The following PLAU variants were observed in gnomAD, a reference collection of about 807,000 sequenced individuals.
PLAU encodes urokinase-type plasminogen activator.
Under a neutral mutation model 48.9 loss-of-function variants are expected in PLAU, and 32 were observed. That is an observed-to-expected ratio of 0.65 (90% CI 0.49 to 0.88). The LOEUF is 0.88. Ranked by LOEUF, PLAU falls within the 40% of genes least tolerant of loss-of-function variation. The pLI, the probability that PLAU is intolerant of heterozygous loss-of-function variation, is 0.00. For synonymous variants in PLAU, 199 were observed against 205.7 expected (o/e 0.97, Z 0.28); for missense variants, 455 against 545.2 (o/e 0.83, Z 1.65).
At chr10:73,910,609 AACAGACGC>A (rs996765032), upstream of PLAU, 1 of 152,242 alleles carries the variant, frequency 6.6e-6, no homozygotes, top group African/African-American at 2.4e-5. Flanking sequence ...ACTGCCACTG[AACAGACGC>A]ACAGAGGGAG....
At chr10:73,913,811 C>T in intron 7 of PLAU, 53 bp downstream of exon 7, 1 of 1,449,860 alleles carries the variant, frequency 6.9e-7, no homozygotes, top group Non-Finnish European at 9.5e-7. Flanking sequence ...CCAAGCACAT[C>T]CCTTTCTCCT....
intron 1 of PLAU, 89 bp from the exon 2 acceptor site, chr10:73,911,436 C>G (rs2096123672): frequency 7.6e-7 from 1 of 1,318,924 alleles, no homozygotes; most frequent in Admixed American, 2.0e-5. Context: ...AGCCTGGTCA[C>G]CGCGGGCATC....
rs769839032 is a variant in PLAU at position 73,916,577 on chromosome 10, G to A, written c.*12G>A. 4.4e-6 allele frequency: 7 copies of A among 1,598,682 alleles called. No homozygotes were observed. In the Admixed American group the frequency reaches 6.8e-5, roughly 16 times the overall value. On this transcript the variant is annotated 3_prime_UTR_variant, in exon 11 of 11. Transcript: ENST00000372764. ...GCCTGGCCCTCTGAGGGTCCCCAGG[G>A]AGGAAACGGGCACCACCCGCTTTCT...
At chr10:73,911,345 G>A (rs2096123457) in intron 1 of PLAU, 127 bp downstream of exon 1, 1 of 688,292 alleles carries the variant, frequency 1.5e-6, no homozygotes, top group Admixed American at 2.4e-5. Flanking sequence ...GAGTCAAGGC[G>A]CCCCGTCCCG....
intron 6 of PLAU, 78 bp downstream of exon 6, chr10:73,913,459 G>A (rs1263887577): frequency 3.2e-6 from 5 of 1,551,066 alleles, no homozygotes; most frequent in Non-Finnish European, 4.4e-6. Context: ...ATCACAGGAG[G>A]ACTGAGGAGG....
upstream of PLAU, chr10:73,910,587 T>C (rs560661806): frequency 6.6e-6 from 1 of 152,318 alleles, no homozygotes; most frequent in East Asian, 1.9e-4. Context: ...GTTGTGTTGG[T>C]GATATCTGGG....
In PLAU at chr10:73,913,962, G is replaced by A. The variant is rs765702064; in HGVS notation, c.681-18G>A. On this transcript the variant is annotated intron_variant, in intron 7 of 10. Coordinates refer to ENST00000372764, the MANE Select transcript of PLAU (RefSeq NM_002658.6). ...ATTTCATGGGACTAAGCTGTTTGATGGGTATCTTCTCCCACAGTGATTACC... is the reference window on the plus strand; with the variant it reads ...ATTTCATGGGACTAAGCTGTTTGATAGGTATCTTCTCCCACAGTGATTACC... 8 of 1,611,274 alleles carry A rather than the reference G, an allele frequency of 5.0e-6. No homozygotes were observed. Among genetic ancestry groups the A allele is most frequent in the Non-Finnish European group, 6.8e-6 (8 of 1,177,462 alleles).
Position 73,914,807 on chromosome 10 carries a change from G to T in PLAU, c.861G>T (p.Arg287Ser), listed in dbSNP as rs774240822. ...TGAAGATCCGTTCCAAGGAGGGCAG[G>T]TGTGCGCAGCCATCCCGGACTATAC... ...ALLKIRSKEG[R>S]CAQPSRTIQT... is the part of the protein sequence containing the mutation. The change falls in exon 9 of 11, where the codon AGG becomes AGT. Residue 287 changes from arginine to serine, a missense_variant. Physicochemically the swap from Arg to Ser is moderately radical, Grantham distance 110. Transcript: ENST00000372764. 7 of 1,614,014 alleles carry T rather than the reference G, an allele frequency of 4.3e-6. No individual in the cohort carries two copies. The Admixed American group carries it at 1.0e-4, about 23-fold the overall frequency.
At chr10:73,915,443 C>T in intron 10 of PLAU, 44 bp downstream of exon 10, 2 of 1,546,244 alleles carry the variant, frequency 1.3e-6, no homozygotes, top group Non-Finnish European at 1.7e-6. Flanking sequence ...CATATCTCCC[C>T]AGAGCTCCTG....
chr10:73,916,005 C>T (rs1277261677), intron 10 of PLAU, among the ~76,000 whole-genome samples: 6 of 151,966 alleles, frequency 3.9e-5, no homozygotes, highest in Admixed American at 6.6e-5. Context: ...TTTGGGAGGC[C>T]GAGGTGGATG....
intron 5 of PLAU, 32 bp downstream of exon 5, chr10:73,913,130 T>C (rs775372285): frequency 4.4e-6 from 7 of 1,603,616 alleles, no homozygotes. Context: ...CCAAAAGCCC[T>C]CCCTACAGCT....
intron 7 of PLAU, 108 bp from the exon 8 acceptor site, chr10:73,913,872 C>A: frequency 1.5e-6 from 2 of 1,369,478 alleles, no homozygotes; most frequent in Non-Finnish European, 2.0e-6. Context: ...CCTGTCCATG[C>A]AGCCCATGGC....
Position 73,915,253 on chromosome 10 carries a change from GAC to G in PLAU, c.974_975del (p.Asp325ValfsTer29), listed in dbSNP as rs764585489. Reference sequence around the variant, plus strand: ...GCCTCCCTGTTTTCTCCACCTAGCCGACTATCTCTATCCGGAGCAGCTGAAAA... The same window carrying G: ...GCCTCCCTGTTTTCTCCACCTAGCCGTATCTCTATCCGGAGCAGCTGAAAA... ...ITGFGKENST[D>X]YLYPEQLKMT... On this transcript the variant is annotated frameshift_variant, in exon 10 of 11. Transcript: ENST00000372764. LOFTEE classifies it high-confidence loss of function. 16 of 1,610,856 alleles carry G rather than the reference GAC, an allele frequency of 9.9e-6. No individual in the cohort carries two copies. The highest frequency in any genetic ancestry group is 1.4e-5 in the Non-Finnish European group (16 of 1,178,944).
intron 4 of PLAU, among the ~76,000 whole-genome samples, chr10:73,912,565 T>C (rs1156981269): frequency 1.3e-5 from 2 of 152,164 alleles, no homozygotes; most frequent in Non-Finnish European, 2.9e-5. Context: ...AAATGTCCGT[T>C]GGCAGCCGGG....
rs774240822 is a variant in PLAU at position 73,914,807 on chromosome 10, G to A, written c.861G>A (p.Arg287=). ...ALLKIRSKEG[R]CAQPSRTIQT... ...TGAAGATCCGTTCCAAGGAGGGCAG[G>A]TGTGCGCAGCCATCCCGGACTATAC... is the stretch of plus-strand genomic sequence containing the variant. Residue 287 remains arginine (R), a synonymous_variant, in exon 9 of 11, where the codon AGG becomes AGA. Coordinates refer to ENST00000372764, the MANE Select transcript of PLAU (RefSeq NM_002658.6). 15 of 1,614,014 alleles carry A rather than the reference G, an allele frequency of 9.3e-6. No individual in the cohort carries two copies. The highest frequency in any genetic ancestry group is 1.3e-5 in the Non-Finnish European group (15 of 1,180,002).
At position 73,912,280 on chromosome 10, in the gene PLAU, T is replaced by C; in HGVS notation, c.151T>C (p.Cys51Arg). 6.2e-7 allele frequency: 1 copy of C among 1,613,372 alleles called. No homozygotes were observed. Among genetic ancestry groups the C allele is most frequent in the Non-Finnish European group, 8.5e-7 (1 of 1,179,848 alleles). The change falls in exon 4 of 11, where the codon TGC becomes CGC. Residue 51 changes from cysteine (C) to arginine (R), a missense_variant. By Grantham distance (180) the Cys-to-Arg change is radical (BLOSUM62 -3). Transcript: ENST00000372764. ...CAAGTACTTCTCCAACATTCACTGG[T>C]GCAACTGCCCAAAGAAATTCGGAGG... The part of the protein sequence containing the change: ...SNKYFSNIHW[C>R]NCPKKFGGQH...
chr10:73,914,275 T>C (rs915248925), intron 8 of PLAU, 147 bp downstream of exon 8: 1 of 725,510 alleles, frequency 1.4e-6, no homozygotes, highest in African/African-American at 1.8e-5. Context: ...ACAAAGGGAG[T>C]GGCAGGGAAG....
Position 73,914,907 on chromosome 10 carries a change from G to T in PLAU, c.961G>T (p.Glu321Ter). 2.5e-6 allele frequency: 4 copies of T among 1,614,112 alleles called. No individual in the cohort carries two copies. Among genetic ancestry groups the T allele is most frequent in the Non-Finnish European group, 3.4e-6 (4 of 1,179,992 alleles). ...CTGTGAGATCACTGGCTTTGGAAAA[G>T]AGAATTCTAGTAAGTGACAATTGCG... Reference protein sequence around the residue: ...TSCEITGFGKENSTDYLYPEQ... With the variant: ...TSCEITGFGK The change falls in exon 9 of 11, where the codon GAG (glutamate) becomes TAG (stop). Residue 321 changes from glutamate to a stop codon, truncating the protein, a stop_gained. Transcript: ENST00000372764. LOFTEE classifies it high-confidence loss of function.
chr10:73,908,857 C>CAA (rs11339212), upstream of PLAU, among the ~76,000 whole-genome samples: 809 of 102,608 alleles, frequency 7.9e-3, 8 homozygotes, highest in African/African-American at 0.028. Flanking sequence ...GACTCCGTCT[C>CAA]AAAAAAAAAA....
Sources: gnomAD v4.1 joint callset for allele counts (sites outside exome capture counted in the v4.1 genomes callset) on GRCh38, gnomAD v4.1.1 for gene constraint, MANE v1.5 for transcripts, NCBI Gene and HGNC (gene_info 2026-07-23, HGNC 2026-07-21) for gene names.